Variants in ANKRD31 observed in about 807,000 individuals in gnomAD.
ANKRD31 encodes ankyrin repeat domain 31.
ANKRD31 carries 147 observed loss-of-function variants against 186.0 expected under a neutral mutation model. That is an observed-to-expected ratio of 0.79 (90% CI 0.69 to 0.91). The LOEUF is 0.91. Among genes scored for constraint, ANKRD31 ranks in the 40% least tolerant of loss-of-function variants. ANKRD31 has a pLI of 0.00. For synonymous variants in ANKRD31, 673 were observed against 736.4 expected (o/e 0.91, Z 1.39); for missense variants, 1,986 against 2,148.8 (o/e 0.92, Z 1.50).
At chr5:75,203,825 T>G (rs1755979157) in intron 5 of ANKRD31, among the ~76,000 whole-genome samples, 1 of 152,164 alleles carries the variant, frequency 6.6e-6, no homozygotes. Flanking sequence ...ATGACATCAT[T>G]ATAGCTTTAT....
At chr5:75,185,900 G>T (rs749889607) in intron 10 of ANKRD31, among the ~76,000 whole-genome samples, 8 of 151,862 alleles carry the variant, frequency 5.3e-5, no homozygotes, top group Non-Finnish European at 1.0e-4. Context: ...TCCAATTCCA[G>T]GAAAAACAAT....
intron 22 of ANKRD31, among the ~76,000 whole-genome samples, chr5:75,102,907 C>T (rs1009686672): frequency 5.3e-5 from 8 of 152,094 alleles, no homozygotes; most frequent in South Asian, 2.1e-4. Context: ...CACCCTGTTT[C>T]GGCTCACACT....
chr5:75,185,252 C>T (rs1385473503), intron 10 of ANKRD31, among the ~76,000 whole-genome samples: 1 of 151,960 alleles, frequency 6.6e-6, no homozygotes, highest in Non-Finnish European at 1.5e-5. Context: ...TCAATGGGTA[C>T]AAAGTTGCAA....
At chr5:75,230,916 C>A (rs759224260) in intron 1 of ANKRD31, among the ~76,000 whole-genome samples, 8 of 152,126 alleles carry the variant, frequency 5.3e-5, no homozygotes, top group Non-Finnish European at 8.8e-5. Flanking sequence ...GTCTAATAAA[C>A]CTTAATAACT....
chr5:75,189,776 T>C (rs1007007715), intron 9 of ANKRD31, among the ~76,000 whole-genome samples: 71 of 152,190 alleles, frequency 4.7e-4, no homozygotes, highest in African/African-American at 1.6e-3. Context: ...GTTGAATTCC[T>C]AGTTTGCTGA....
intron 3 of ANKRD31, among the ~76,000 whole-genome samples, chr5:75,219,613 T>C (rs991599770): frequency 6.9e-6 from 1 of 144,902 alleles, no homozygotes; most frequent in African/African-American, 2.7e-5. Flanking sequence ...TACAATGCTA[T>C]GACATCCTTC....
intron 22 of ANKRD31, among the ~76,000 whole-genome samples, chr5:75,100,593 G>A (rs1035634917): frequency 1.3e-5 from 2 of 152,178 alleles, no homozygotes; most frequent in African/African-American, 2.4e-5. Context: ...CTTGCTTTAT[G>A]AATCTGGGTG....
chr5:75,201,065 T>C (rs1561531788), intron 5 of ANKRD31, among the ~76,000 whole-genome samples: 2 of 152,196 alleles, frequency 1.3e-5, no homozygotes, highest in Non-Finnish European at 2.9e-5. Flanking sequence ...AAGCAAGTAA[T>C]TATCTGCTGA....
At chr5:75,124,943 T>G (rs1269402794) in intron 17 of ANKRD31, among the ~76,000 whole-genome samples, 1 of 152,190 alleles carries the variant, frequency 6.6e-6, no homozygotes, top group Non-Finnish European at 1.5e-5. Context: ...TTAACAAAAC[T>G]GCATTTGTAC....
At chr5:75,122,300 A>T (rs912437909) in intron 17 of ANKRD31, among the ~76,000 whole-genome samples, 1 of 151,988 alleles carries the variant, frequency 6.6e-6, no homozygotes, top group African/African-American at 2.4e-5. Context: ...CCAACAAAAA[A>T]AAAAGCCTAG....
At chr5:75,074,119 G>C (rs1161813707) in intron 25 of ANKRD31, among the ~76,000 whole-genome samples, 2 of 152,124 alleles carry the variant, frequency 1.3e-5, no homozygotes, top group Admixed American at 1.3e-4. Flanking sequence ...GAAATTACAA[G>C]TGGCTGGCTC....
intron 22 of ANKRD31, among the ~76,000 whole-genome samples, chr5:75,093,923 C>T (rs1011851656): frequency 6.6e-6 from 1 of 152,188 alleles, no homozygotes; most frequent in South Asian, 2.1e-4. Context: ...GGTTGAAAGC[C>T]AATGACCCTA....
At chr5:75,161,900 T>G (rs542892572) in intron 11 of ANKRD31, among the ~76,000 whole-genome samples, 1 of 152,346 alleles carries the variant, frequency 6.6e-6, no homozygotes, top group African/African-American at 2.4e-5. Flanking sequence ...GAATTGGGGT[T>G]TGGGAACCTC....
intron 17 of ANKRD31, among the ~76,000 whole-genome samples, chr5:75,121,903 G>GA (rs1326269619): frequency 6.6e-6 from 1 of 151,582 alleles, no homozygotes; most frequent in African/African-American, 2.4e-5. Flanking sequence ...CAAGGAACTA[G>GA]AAAAACAAGA....
In ANKRD31 at chr5:75,236,630, A is replaced by T; in HGVS notation, c.57T>A (p.Gly19=). The T allele has an allele frequency of 6.5e-7, 1 of 1,536,926 alleles. No homozygotes were observed. The highest frequency in any genetic ancestry group is 8.7e-7 in the Non-Finnish European group (1 of 1,146,742). The change falls in exon 1 of 26, where the codon GGT becomes GGA. Residue 19 remains glycine, a synonymous_variant. Transcript: ENST00000506364. Reference sequence around the variant, plus strand: ...CTTCCAGGTCGCTCTCCGTCACTGAACCCTCTATCACAGTTTCATCACTGT... The same window carrying T: ...CTTCCAGGTCGCTCTCCGTCACTGATCCCTCTATCACAGTTTCATCACTGT... The part of the protein sequence containing the change: ...DWDSDETVIE[G]SVTESDLEEK...
chr5:75,171,974 T>A (rs1471073225), intron 10 of ANKRD31, among the ~76,000 whole-genome samples: 1 of 151,884 alleles, frequency 6.6e-6, no homozygotes, highest in African/African-American at 2.4e-5. Flanking sequence ...AAAAATATTA[T>A]ACACTGATAA....
chr5:75,191,103 G>C (rs1175411999), intron 9 of ANKRD31, among the ~76,000 whole-genome samples: 1 of 151,884 alleles, frequency 6.6e-6, no homozygotes, highest in African/African-American at 2.4e-5. Context: ...TCCACACCAA[G>C]GTTACAGAAA....
In ANKRD31 at chr5:75,084,382, T is replaced by C. The variant is rs1469542480; in HGVS notation, c.5473-8A>G. Reference sequence around the variant, plus strand: ...CTTCCCAAGATACGTTACCTGCACATAATTAAGCACAAAATTTATAAATCA... The same window carrying C: ...CTTCCCAAGATACGTTACCTGCACACAATTAAGCACAAAATTTATAAATCA... On this transcript the variant is annotated splice_region_variant and splice_polypyrimidine_tract_variant and intron_variant, in intron 23 of 25. Transcript: ENST00000506364. 2 of 1,516,962 alleles carry C rather than the reference T, an allele frequency of 1.3e-6. No homozygotes were observed. Among genetic ancestry groups the C allele is most frequent in the Non-Finnish European group, 1.8e-6 (2 of 1,128,474 alleles). The allele number at this position is 1,516,962 out of a possible 1,614,324, so 94.0% of individuals were successfully genotyped here.
In ANKRD31 at chr5:75,112,405, T is replaced by C. The variant is rs1440358028; in HGVS notation, c.4243+108A>G. The C allele has an allele frequency of 4.5e-6, 3 of 663,720 alleles. No individual in the cohort carries two copies. The South Asian group carries it at 6.9e-5, about 15-fold the overall frequency. The allele number at this position is 663,720 out of a possible 1,614,324, so 41.1% of individuals were successfully genotyped here. ...CACTTTAAATACTCTCACATAAAAA[T>C]AGAACACCACTTTTTCAGCCTTTGT... On this transcript the variant is annotated intron_variant, in intron 20 of 25. Transcript: ENST00000506364.
Sources: allele counts gnomAD v4.1 joint callset (sites outside exome capture counted in the v4.1 genomes callset), GRCh38; gene constraint gnomAD v4.1.1; transcripts MANE v1.5; gene names NCBI Gene and HGNC (gene_info 2026-07-23, HGNC 2026-07-21).